The following RNF126 variants were observed in gnomAD, a reference collection of about 807,000 sequenced individuals.
The protein encoded by RNF126 is E3 ubiquitin-protein ligase RNF126.
Under a neutral mutation model 41.9 loss-of-function variants are expected in RNF126, and 20 were observed. That is an observed-to-expected ratio of 0.48 (90% CI 0.34 to 0.69). The LOEUF (loss-of-function observed/expected upper bound fraction) is 0.69, where lower values mean the gene tolerates loss of function less well. RNF126 is among the 30% of genes least tolerant of loss of function. RNF126 has a pLI of 0.01. For missense variants in RNF126, 433 were observed against 460.6 expected (o/e 0.94, Z 0.55); for synonymous variants, 239 against 202.9 (o/e 1.18, Z -1.51).
chr19:658,912 A>G (rs894369803), intron 1 of RNF126, among the ~76,000 whole-genome samples: 5 of 152,168 alleles, frequency 3.3e-5, no homozygotes, highest in Non-Finnish European at 7.4e-5. Context: ...ATGGTGGCAG[A>G]GTTCTAAGTG....
Position 651,704 on chromosome 19 carries a change from G to T in RNF126, c.350C>A (p.Pro117Gln), listed in dbSNP as rs149405763. Residue 117 changes from proline (P) to glutamine (Q), a missense_variant, in exon 4 of 9, where the codon CCG (proline) becomes CAG (glutamine). By Grantham distance (76) the Pro-to-Gln change is moderately conservative (BLOSUM62 -1). Transcript: ENST00000292363. ...DPESRRERDH[P>Q]SRHRYGARQP... ...TCGGGCGCCGTACCGGTGCCGGGAC[G>T]GATGGTCTCTCTCCCGCCGGCTCTC... is the stretch of plus-strand genomic sequence containing the variant. The T allele has an allele frequency of 1.0e-5, 16 of 1,606,082 alleles. No individual in the cohort carries two copies. Among genetic ancestry groups the T allele is most frequent in the Non-Finnish European group, 1.4e-5 (16 of 1,177,074 alleles).
At chr19:654,213 C>A (rs1287430797) in intron 1 of RNF126, among the ~76,000 whole-genome samples, 1 of 152,196 alleles carries the variant, frequency 6.6e-6, no homozygotes, top group Non-Finnish European at 1.5e-5. Flanking sequence ...GCAAACGATG[C>A]CAGATGCACA....
chr19:651,218 G>A (rs987230148), intron 4 of RNF126, among the ~76,000 whole-genome samples: 3 of 149,150 alleles, frequency 2.0e-5, no homozygotes, highest in Non-Finnish European at 3.0e-5. Flanking sequence ...CCCAGGCTCC[G>A]TTCCACCAGG....
rs576175579 is a variant in RNF126, at chr19:662,263, T to A, written c.75+784A>T. On this transcript the variant is annotated intron_variant, in intron 1 of 8. Transcript: ENST00000292363. ...ACCTTCAACGAGCGCTGCTCCCACC[T>A]CCCCCAAGGTGACATCAGGTCCGCG... 1.6e-3 allele frequency among the ~76,000 whole-genome samples: 241 copies of A among 152,042 alleles called. 2 individuals carry two copies. The highest frequency in any genetic ancestry group is 5.6e-3 in the African/African-American group (234 of 41,474).
intron 4 of RNF126, among the ~76,000 whole-genome samples, chr19:651,096 CAGG>C (rs1211845709): frequency 6.8e-6 from 1 of 147,454 alleles, no homozygotes; most frequent in African/African-American, 2.6e-5. Context: ...CATCAACCGC[CAGG>C]AGTAGGGCCC....
chr19:648,059 G>T lies in RNF126; in HGVS notation c.*69C>A. The T allele has an allele frequency of 6.9e-7, 1 of 1,458,370 alleles. No homozygotes were observed. The highest frequency in any genetic ancestry group is 1.4e-5 in the South Asian group (1 of 71,942). 90.3% of individuals were successfully genotyped at this position (1,458,370 alleles called of 1,614,324 possible). A position where few individuals can be genotyped will look rare whatever the true frequency, so the allele number is the denominator to read the frequency against. ...GGCGCCGCCGGGGCACCCAGTCTGT[G>T]GGTGCCGTGTGGCGCTGGCTGAGGG... On this transcript the variant is annotated 3_prime_UTR_variant, in exon 9 of 9. Transcript: ENST00000292363.
At chr19:648,852 C>A in intron 7 of RNF126, 30 bp downstream of exon 7, 1 of 1,324,302 alleles carries the variant, frequency 7.6e-7, no homozygotes. Context: ...GCCTGTAATT[C>A]CCACTACTCG....
chr19:649,178 G>C (rs921057525), intron 6 of RNF126: 1 of 326,272 alleles, frequency 3.1e-6, no homozygotes, highest in East Asian at 5.2e-5. Context: ...TGGAATGGGG[G>C]AATGGGCGGA....
At chr19:649,796 G>A in intron 5 of RNF126, 48 bp from the exon 6 acceptor site, 1 of 1,460,132 alleles carries the variant, frequency 6.8e-7, no homozygotes, top group South Asian at 1.2e-5. Context: ...AGCTGGGGCA[G>A]GTGCGTCTAT....
In RNF126 at chr19:651,685, G is replaced by T. The variant is rs776996596; in HGVS notation, c.369C>A (p.Gly123=). 1.3e-6 allele frequency: 2 copies of T among 1,584,220 alleles called. No individual in the cohort carries two copies. The highest frequency in any genetic ancestry group is 2.7e-5 in the African/African-American group (2 of 74,164). ...ERDHPSRHRY[G]ARQPRARLTT... Reference sequence around the variant, plus strand: ...TGAGGCGGGCGCGGGGCTGTCGGGCGCCGTACCGGTGCCGGGACGGATGGT... The same window carrying T: ...TGAGGCGGGCGCGGGGCTGTCGGGCTCCGTACCGGTGCCGGGACGGATGGT... The change falls in exon 4 of 9, where the codon GGC becomes GGA. Residue 123 remains glycine, a synonymous_variant. Coordinates refer to ENST00000292363, the MANE Select transcript of RNF126 (RefSeq NM_194460.3).
Position 648,494 on chromosome 19 carries a change from G to A in RNF126, c.671-7C>T, listed in dbSNP as rs774447925. On this transcript the variant is annotated splice_polypyrimidine_tract_variant and splice_region_variant and intron_variant, in intron 7 of 8. Transcript: ENST00000292363. ...GGGCACTCGAGCCCGGAGCCTGCGG[G>A]AGTGTGCAGCTGCGGTCACAGCGGG... The A allele has an allele frequency of 5.1e-6, 8 of 1,561,284 alleles. No homozygotes were observed. Among genetic ancestry groups the A allele is most frequent in the South Asian group, 3.5e-5 (3 of 85,076 alleles).
chr19:649,352 CG>C, intron 6 of RNF126: 1 of 377,754 alleles, frequency 2.6e-6, no homozygotes, highest in Non-Finnish European at 4.8e-6. Flanking sequence ...AAGGCTGAGA[CG>C]GGTGGCACTT....
chr19:650,338 G>A (rs373917496), intron 4 of RNF126, 42 bp from the exon 5 acceptor site: 34 of 1,545,402 alleles, frequency 2.2e-5, no homozygotes, highest in East Asian at 9.4e-5. Flanking sequence ...GCCGCCCCAC[G>A]CACAGGAGAG....
chr19:654,686 G>C (rs2030485053), intron 1 of RNF126, among the ~76,000 whole-genome samples: 1 of 135,606 alleles, frequency 7.4e-6, no homozygotes, highest in South Asian at 2.4e-4. Flanking sequence ...AAAAGTGCTG[G>C]CCGGGCGCGG....
rs1232841930 is a variant in RNF126 at position 659,388 on chromosome 19, C to T, written c.75+3659G>A. Among the ~76,000 whole-genome samples the T allele has an allele frequency of 6.6e-6, 1 of 152,180 alleles. No individual in the cohort carries two copies. The highest frequency in any genetic ancestry group is 1.5e-5 in the Non-Finnish European group (1 of 68,006). ...TTCCCCGCCACCGTGGGCGGCAGGGCCCAGCACCCCCACCGTCCTCTCACC... is the reference window on the plus strand; with the variant it reads ...TTCCCCGCCACCGTGGGCGGCAGGGTCCAGCACCCCCACCGTCCTCTCACC... On this transcript the variant is annotated intron_variant, in intron 1 of 8. Coordinates refer to ENST00000292363, the MANE Select transcript of RNF126 (RefSeq NM_194460.3). The surrounding 1 kb of genome is among the most constrained non-coding windows in gnomAD (Gnocchi z 4.9).
chr19:650,466 G>A (rs1287611752), intron 4 of RNF126, 170 bp from the exon 5 acceptor site: 4 of 580,186 alleles, frequency 6.9e-6, no homozygotes, highest in Admixed American at 3.3e-5. Context: ...TGCCGAGGCA[G>A]GAGAGAAGCA....
intron 2 of RNF126, 59 bp from the exon 3 acceptor site, chr19:652,355 C>T: frequency 7.2e-7 from 1 of 1,382,598 alleles, no homozygotes; most frequent in Non-Finnish European, 9.9e-7. Context: ...GCGCCAGGCG[C>T]TCCCTCCCCT....
intron 4 of RNF126, 139 bp from the exon 5 acceptor site, chr19:650,435 T>C (rs2030221784): frequency 4.2e-6 from 3 of 717,566 alleles, no homozygotes; most frequent in South Asian, 3.8e-5. Flanking sequence ...TATTTTACTA[T>C]GAGCCAGGGT....
At chr19:662,855 G>A (rs1490045161) in intron 1 of RNF126, among the ~76,000 whole-genome samples, 192 bp downstream of exon 1, 1 of 151,968 alleles carries the variant, frequency 6.6e-6, no homozygotes, top group Non-Finnish European at 1.5e-5. Flanking sequence ...GCATGTACAG[G>A]ACGGGGTTCG....
Sources: gnomAD v4.1 joint callset for allele counts (sites outside exome capture counted in the v4.1 genomes callset) on GRCh38, gnomAD v4.1.1 for gene constraint, Gnocchi (gnomAD v3.1) non-coding constraint, MANE v1.5 for transcripts, NCBI Gene and HGNC (gene_info 2026-07-23, HGNC 2026-07-21) for gene names.